The following NPSR1 variants were observed in gnomAD, a reference collection of about 807,000 sequenced individuals.
NPSR1 encodes the protein neuropeptide S receptor.
A neutral mutation model predicts 46.9 loss-of-function variants in NPSR1; 48 were observed. The ratio of observed to expected loss-of-function variants is 1.02; its 90% CI spans 0.81 to 1.30. The LOEUF (loss-of-function observed/expected upper bound fraction) is 1.30. NPSR1 is among the 50% of genes most tolerant of loss of function. NPSR1 has a pLI of 0.00. For missense variants in NPSR1, 450 were observed against 449.5 expected, an observed-to-expected ratio of 1.00 and a Z score of -0.01; for synonymous variants, 176 against 168.1, an observed-to-expected ratio of 1.05 and a Z score of -0.36.
rs779418760 is a variant in NPSR1, at chr7:34,849,657, C to G, written c.*2C>G. The G allele has an allele frequency of 6.2e-7, 1 of 1,613,932 alleles. No individual in the cohort carries two copies. Reference sequence around the variant, plus strand: ...CTGTCCAAGCCAGAATTCATCTAGACCCTAGGGCAGTGCCAGTGCTAGGCT... The same window carrying G: ...CTGTCCAAGCCAGAATTCATCTAGAGCCTAGGGCAGTGCCAGTGCTAGGCT... On this transcript the variant is annotated 3_prime_UTR_variant, in exon 9 of 9. Coordinates refer to ENST00000360581, the MANE Select transcript of NPSR1 (RefSeq NM_207172.2).
intron 2 of NPSR1, among the ~76,000 whole-genome samples, chr7:34,774,931 T>C (rs1235374125): frequency 1.3e-5 from 2 of 152,162 alleles, no homozygotes; most frequent in Admixed American, 6.6e-5. Flanking sequence ...TTTATTGAGA[T>C]TGAGAATGTA....
At chr7:34,752,266 T>C (rs2128724568) in intron 2 of NPSR1, among the ~76,000 whole-genome samples, 1 of 152,232 alleles carries the variant, frequency 6.6e-6, no homozygotes, top group East Asian at 1.9e-4. Flanking sequence ...CTCAGTAAAT[T>C]TACTTAATCT....
intron 2 of NPSR1, among the ~76,000 whole-genome samples, chr7:34,759,939 C>T (rs1164437027): frequency 6.6e-6 from 1 of 152,198 alleles, no homozygotes; most frequent in Admixed American, 6.5e-5. Flanking sequence ...GTGGCCCAAT[C>T]CCTGAACTAA....
intron 2 of NPSR1, among the ~76,000 whole-genome samples, chr7:34,745,495 CTTAA>C (rs1785156285): frequency 6.6e-6 from 1 of 151,980 alleles, no homozygotes; most frequent in African/African-American, 2.4e-5. Context: ...CAATTTTCTG[CTTAA>C]TTTCTTTCAA....
At position 34,693,280 on chromosome 7, in the gene NPSR1, T is replaced by C. The variant is rs149087803; in HGVS notation, c.280+8596T>C. ...TTACCCAGTCTCAGTTACTTCTTTA[T>C]AGCCTTGTGAGAATGGACTAATGCA... is the stretch of plus-strand genomic sequence containing the variant. On this transcript the variant is annotated intron_variant, in intron 2 of 8. Transcript: ENST00000360581. 7.6e-4 allele frequency among the ~76,000 whole-genome samples: 116 copies of C among 152,264 alleles called. 1 individual carries two copies. The highest frequency in any genetic ancestry group is 2.7e-3 in the African/African-American group (111 of 41,570).
At chr7:34,834,606 G>C in intron 6 of NPSR1, 146 bp downstream of exon 6, 2 of 650,950 alleles carry the variant, frequency 3.1e-6, no homozygotes, top group South Asian at 3.7e-5. Flanking sequence ...CCCACCAAAG[G>C]CTGTCACAGG....
At chr7:34,750,604 T>G in intron 2 of NPSR1, 2 of 685,562 alleles carry the variant, frequency 2.9e-6, no homozygotes, top group South Asian at 3.1e-5. Context: ...TTTGCTCAAA[T>G]TCATCTATTA....
chr7:34,822,044 G>A (rs888146465), intron 4 of NPSR1, among the ~76,000 whole-genome samples: 3 of 152,144 alleles, frequency 2.0e-5, no homozygotes, highest in Non-Finnish European at 4.4e-5. Flanking sequence ...AGCACACGAG[G>A]GAGCAGATGA....
intron 2 of NPSR1, among the ~76,000 whole-genome samples, chr7:34,753,887 A>T: frequency 6.6e-6 from 1 of 152,176 alleles, no homozygotes; most frequent in Non-Finnish European, 1.5e-5. Context: ...AATGAATTTT[A>T]AAAAGAAAGA....
At chr7:34,757,702 C>T (rs1227373192) in intron 2 of NPSR1, among the ~76,000 whole-genome samples, 1 of 152,192 alleles carries the variant, frequency 6.6e-6, no homozygotes, top group African/African-American at 2.4e-5. Context: ...TCTCACTCTG[C>T]TATCTAGTGA....
chr7:34,727,124 A>T (rs1331988362), intron 2 of NPSR1, among the ~76,000 whole-genome samples: 1 of 152,090 alleles, frequency 6.6e-6, no homozygotes. Flanking sequence ...GGGAGCAGAG[A>T]GTATATAGAA....
intron 2 of NPSR1, among the ~76,000 whole-genome samples, chr7:34,742,372 A>G (rs942085316): frequency 1.3e-5 from 2 of 152,188 alleles, no homozygotes; most frequent in East Asian, 1.9e-4. Flanking sequence ...CTTTGTGTTC[A>G]TAAGTTCTCA....
intron 4 of NPSR1, among the ~76,000 whole-genome samples, chr7:34,814,085 T>C (rs1334619119): frequency 6.6e-6 from 1 of 152,042 alleles, no homozygotes; most frequent in Non-Finnish European, 1.5e-5. Flanking sequence ...CCATGGAGGG[T>C]GAGCCAAAGC....
At chr7:34,811,623 G>C (rs1788990490) in intron 3 of NPSR1, 147 bp from the exon 4 acceptor site, 1 of 548,534 alleles carries the variant, frequency 1.8e-6, no homozygotes, top group African/African-American at 1.9e-5. Flanking sequence ...GTCCATGTAA[G>C]AGAGTTATTT....
At chr7:34,869,125 A>G (rs1017176079) in intron 8 of NPSR1, among the ~76,000 whole-genome samples, 2 of 151,898 alleles carry the variant, frequency 1.3e-5, no homozygotes, top group African/African-American at 4.9e-5. Flanking sequence ...ACACTGGCAG[A>G]ACGAATGTCT....
intron 8 of NPSR1, among the ~76,000 whole-genome samples, chr7:34,867,304 G>A (rs1278715927): frequency 6.6e-6 from 1 of 151,890 alleles, no homozygotes; most frequent in Non-Finnish European, 1.5e-5. Context: ...AAAGTGGCAG[G>A]TGGAAAGCGT....
chr7:34,730,563 T>C (rs866835102), intron 2 of NPSR1, among the ~76,000 whole-genome samples: 2 of 152,324 alleles, frequency 1.3e-5, no homozygotes, highest in African/African-American at 4.8e-5. Context: ...TTTAAAACAA[T>C]TGGATGTGTA....
intron 8 of NPSR1, among the ~76,000 whole-genome samples, chr7:34,868,640 G>A (rs1791377740): frequency 6.6e-6 from 1 of 151,658 alleles, no homozygotes; most frequent in African/African-American, 2.4e-5. Flanking sequence ...GGAGCTGGGT[G>A]CATGAGATTG....
At chr7:34,811,734 C>A (rs1302529097) in intron 3 of NPSR1, 36 bp from the exon 4 acceptor site, 2 of 1,477,110 alleles carry the variant, frequency 1.4e-6, no homozygotes, top group African/African-American at 1.4e-5. Flanking sequence ...CCTCACCTCT[C>A]TGAAGTCATA....
Sources: gnomAD v4.1 joint callset for allele counts (sites outside exome capture counted in the v4.1 genomes callset) on GRCh38, gnomAD v4.1.1 for gene constraint, MANE v1.5 for transcripts, NCBI Gene and HGNC (gene_info 2026-07-23, HGNC 2026-07-21) for gene names.